The following USH2A variants were observed in gnomAD, a reference collection of about 807,000 sequenced individuals.
USH2A encodes the protein usherin.
In USH2A, 443 loss-of-function variants were observed where a neutral mutation model predicts 538.9. That is an observed-to-expected ratio of 0.82 (90% CI 0.76 to 0.89). The LOEUF (loss-of-function observed/expected upper bound fraction) is 0.89. USH2A is among the 40% of genes least tolerant of loss of function. The probability of loss-of-function intolerance (pLI) is 0.00; values close to 1 mark genes in which losing one functional copy is unlikely to be tolerated. For missense variants in USH2A, 6,633 were observed against 6,324.8 expected (o/e 1.05, Z -1.65); for synonymous variants, 2,413 against 2,273.5 (o/e 1.06, Z -1.75).
intron 44 of USH2A, among the ~76,000 whole-genome samples, chr1:215,848,416 C>T (rs547068527): frequency 6.6e-6 from 1 of 152,298 alleles, no homozygotes; most frequent in Admixed American, 6.5e-5. Context: ...GTTATCTGCA[C>T]TATCAAGTTC....
In USH2A at chr1:216,246,805, T is replaced by C. The variant is rs765643128; in HGVS notation, c.2589A>G (p.Lys863=). Residue 863 remains lysine (K), a synonymous_variant, in exon 13 of 72, where the codon AAA becomes AAG. Transcript: ENST00000307340. Reference sequence around the variant, plus strand: ...ATTTGCAAGGACATTGTCCTGTTGATTTGTTACACAGCAGAGAGCCATTTA... The same window carrying C: ...ATTTGCAAGGACATTGTCCTGTTGACTTGTTACACAGCAGAGAGCCATTTA... The part of the protein sequence containing the change: ...GTINGSLLCN[K]STGQCPCKLG... The C allele has an allele frequency of 6.2e-7, 1 of 1,614,154 alleles. No homozygotes were observed. The highest frequency in any genetic ancestry group is 1.1e-5 in the South Asian group (1 of 91,090).
intron 58 of USH2A, among the ~76,000 whole-genome samples, chr1:215,749,351 A>G (rs1449959663): frequency 6.6e-6 from 1 of 152,226 alleles, no homozygotes; most frequent in African/African-American, 2.4e-5. Context: ...ATGGCTAGCC[A>G]AACCATGAGC....
chr1:215,738,127 C>G (rs993440856), intron 60 of USH2A, among the ~76,000 whole-genome samples: 2 of 152,004 alleles, frequency 1.3e-5, no homozygotes, highest in Admixed American at 6.6e-5. Flanking sequence ...TGTAAAGTCT[C>G]AATTTAATGT....
At chr1:216,280,967 A>G (rs1250479835) in intron 11 of USH2A, among the ~76,000 whole-genome samples, 3 of 152,262 alleles carry the variant, frequency 2.0e-5, no homozygotes, top group East Asian at 1.9e-4. Context: ...CTTGAATTCA[A>G]TTTTGCAGTT....
At chr1:215,699,396 A>C (rs1658929409) in intron 61 of USH2A, among the ~76,000 whole-genome samples, 1 of 152,204 alleles carries the variant, frequency 6.6e-6, no homozygotes, top group Non-Finnish European at 1.5e-5. Flanking sequence ...TGAATCTATA[A>C]ATTACTTTGG....
chr1:216,360,054 C>A (rs929295702), intron 4 of USH2A, among the ~76,000 whole-genome samples: 1 of 152,044 alleles, frequency 6.6e-6, no homozygotes, highest in East Asian at 1.9e-4. Context: ...CCAGTAATTG[C>A]GCTCTTTGGT....
intron 21 of USH2A, among the ~76,000 whole-genome samples, chr1:216,113,823 T>C (rs983064896): frequency 6.6e-6 from 1 of 151,870 alleles, no homozygotes; most frequent in African/African-American, 2.4e-5. Flanking sequence ...GCCCAGAATT[T>C]GTAACTTACT....
intron 46 of USH2A, among the ~76,000 whole-genome samples, chr1:215,840,656 C>T (rs906718994): frequency 1.3e-5 from 2 of 152,140 alleles, no homozygotes; most frequent in African/African-American, 4.8e-5. Context: ...TAAACGTTAA[C>T]TCTTGATCCA....
At chr1:216,083,312 A>G (rs1288143076) in intron 26 of USH2A, 144 bp downstream of exon 26, 1 of 923,762 alleles carries the variant, frequency 1.1e-6, no homozygotes. Flanking sequence ...CAGGACTTCA[A>G]AACTAAAAAT....
chr1:215,912,550 T>C (rs1009100594), intron 38 of USH2A, among the ~76,000 whole-genome samples: 1 of 101,416 alleles, frequency 9.9e-6, no homozygotes, highest in Non-Finnish European at 2.1e-5. Flanking sequence ...GTACATTAGA[T>C]GTTTTCATAC....
At chr1:216,038,998 G>A (rs1037949788) in intron 32 of USH2A, among the ~76,000 whole-genome samples, 11 of 151,934 alleles carry the variant, frequency 7.2e-5, no homozygotes, top group Admixed American at 7.2e-4. Flanking sequence ...TTGGGTACGG[G>A]TCTTAAAATG....
intron 3 of USH2A, among the ~76,000 whole-genome samples, chr1:216,369,826 G>A (rs1322109222): frequency 6.6e-6 from 1 of 151,590 alleles, no homozygotes; most frequent in Non-Finnish European, 1.5e-5. Context: ...GGGAGGCTGA[G>A]GCGGGAGAAT....
chr1:215,916,894 C>T (rs1186472271), intron 38 of USH2A, among the ~76,000 whole-genome samples: 1 of 152,082 alleles, frequency 6.6e-6, no homozygotes, highest in African/African-American at 2.4e-5. Context: ...TAAAGAATTG[C>T]TTAAAATTGC....
intron 41 of USH2A, among the ~76,000 whole-genome samples, chr1:215,888,129 A>C (rs1005792188): frequency 1.3e-5 from 2 of 151,970 alleles, no homozygotes; most frequent in African/African-American, 4.8e-5. Flanking sequence ...TCATTTTCTG[A>C]TCTATTTAAA....
At chr1:215,736,836 C>T (rs1222009823) in intron 60 of USH2A, among the ~76,000 whole-genome samples, 1 of 151,886 alleles carries the variant, frequency 6.6e-6, no homozygotes, top group Non-Finnish European at 1.5e-5. Flanking sequence ...AAGACTGACC[C>T]TGTATTAAAA....
intron 3 of USH2A, among the ~76,000 whole-genome samples, chr1:216,392,547 A>G (rs1395505065): frequency 4.0e-5 from 6 of 151,166 alleles, no homozygotes; most frequent in Admixed American, 3.3e-4. Flanking sequence ...CTGAACTCTC[A>G]CACTAGGTCT....
At chr1:215,936,834 T>C (rs1220942965) in intron 37 of USH2A, among the ~76,000 whole-genome samples, 1 of 152,062 alleles carries the variant, frequency 6.6e-6, no homozygotes, top group Non-Finnish European at 1.5e-5. Context: ...CATTGTCCCA[T>C]CAGATTATAT....
intron 3 of USH2A, among the ~76,000 whole-genome samples, chr1:216,392,323 C>A (rs2039124393): frequency 1.3e-5 from 2 of 151,666 alleles, no homozygotes; most frequent in South Asian, 4.2e-4. Flanking sequence ...ACGGTGAAAC[C>A]CTGTCTCTAC....
chr1:215,926,210 CAAAAAAA>C (rs56162024), intron 38 of USH2A, among the ~76,000 whole-genome samples: 2 of 111,640 alleles, frequency 1.8e-5, no homozygotes, highest in African/African-American at 6.8e-5. Context: ...AGAGACCCTG[CAAAAAAA>C]AAAAAAAAAA....
Sources: allele counts gnomAD v4.1 joint callset (sites outside exome capture counted in the v4.1 genomes callset), GRCh38; gene constraint gnomAD v4.1.1; transcripts MANE v1.5; gene names NCBI Gene and HGNC (gene_info 2026-07-23, HGNC 2026-07-21).